FAM53B: variants seen among roughly 807,000 people sequenced by gnomAD.
The protein encoded by FAM53B is protein FAM53B.
Under a neutral mutation model 32.7 loss-of-function variants are expected in FAM53B, and 12 were observed. That is an observed-to-expected ratio of 0.37 (90% CI 0.24 to 0.59). The LOEUF is 0.59. Ranked by LOEUF, FAM53B falls within the 20% of genes least tolerant of loss-of-function variation. The pLI, the probability that FAM53B is intolerant of heterozygous loss-of-function variation, is 0.72. For synonymous variants in FAM53B, 234 were observed against 228.7 expected (o/e 1.02, Z -0.21); for missense variants, 477 against 577.7 (o/e 0.83, Z 1.79).
intron 4 of FAM53B, among the ~76,000 whole-genome samples, chr10:124,675,854 T>A (rs1014281253): frequency 6.6e-6 from 1 of 152,250 alleles, no homozygotes; most frequent in African/African-American, 2.4e-5. Context: ...ACTCTTCCTG[T>A]ACTCTAGAGG....
At position 124,621,917 on chromosome 10, in the gene FAM53B, G is replaced by A. The variant is rs1949313280; in HGVS notation, c.*1325C>T. The A allele has an allele frequency of 6.6e-6, 1 of 152,492 alleles. No homozygotes were observed. The highest frequency in any genetic ancestry group is 2.4e-5 in the African/African-American group (1 of 41,454). The allele number at this position is 152,492 out of a possible 1,614,324, so 9.4% of individuals were successfully genotyped here. A position where few individuals can be genotyped will look rare whatever the true frequency, so the allele number is the denominator to read the frequency against. On this transcript the variant is annotated 3_prime_UTR_variant, in exon 5 of 5. Coordinates refer to ENST00000337318, the MANE Select transcript of FAM53B (RefSeq NM_014661.4). ...GCAGAAGACGCCACATTCGCTAAAA[G>A]CCAGATTCCCATAGAGCAGAGCCCA...
rs777634413 is a variant in FAM53B at position 124,706,690 on chromosome 10, G to A, written c.24C>T (p.Ser8=). The A allele has an allele frequency of 6.8e-6, 11 of 1,614,042 alleles. No homozygotes were observed. Among genetic ancestry groups the A allele is most frequent in the Admixed American group, 1.7e-5 (1 of 60,012 alleles). MVMVLSE[S]LSTRGADSIA... Reference sequence around the variant, plus strand: ...TGGAGTCAGCTCCCCGGGTGCTGAGGCTTTCACTTAGGACCATCACCATGA... The same window carrying A: ...TGGAGTCAGCTCCCCGGGTGCTGAGACTTTCACTTAGGACCATCACCATGA... The change falls in exon 2 of 5, where the codon AGC becomes AGT. Residue 8 remains serine (S), a synonymous_variant. Transcript: ENST00000337318.
chr10:124,712,395 G>A (rs968138510), intron 1 of FAM53B, among the ~76,000 whole-genome samples: 3 of 152,082 alleles, frequency 2.0e-5, no homozygotes, highest in Non-Finnish European at 4.4e-5. Flanking sequence ...AACACAATGA[G>A]GATAATACCT....
At chr10:124,637,300 C>T (rs780491724) in intron 4 of FAM53B, among the ~76,000 whole-genome samples, 1 of 152,212 alleles carries the variant, frequency 6.6e-6, no homozygotes, top group Non-Finnish European at 1.5e-5. Flanking sequence ...CCAGGACGTA[C>T]CTGGCAGGAC....
At chr10:124,648,883 G>A (rs560657214) in intron 4 of FAM53B, among the ~76,000 whole-genome samples, 3 of 152,386 alleles carry the variant, frequency 2.0e-5, no homozygotes, top group African/African-American at 7.2e-5. Context: ...AATGTGCAGC[G>A]TCACTGGAGA....
At chr10:124,666,718 G>C (rs965991890) in intron 4 of FAM53B, among the ~76,000 whole-genome samples, 5 of 152,244 alleles carry the variant, frequency 3.3e-5, no homozygotes, top group African/African-American at 1.2e-4. Flanking sequence ...CAGTAGAAAA[G>C]AGGCCTCAGA....
At chr10:124,683,607 TG>T (rs1229949751) in intron 3 of FAM53B, among the ~76,000 whole-genome samples, 3 of 152,048 alleles carry the variant, frequency 2.0e-5, no homozygotes, top group Non-Finnish European at 4.4e-5. Flanking sequence ...GACCAAGGCT[TG>T]GGGGACACTA....
At chr10:124,743,969 G>T (rs1950216610) in intron 1 of FAM53B, 44 bp downstream of exon 1, 1 of 149,662 alleles carries the variant, frequency 6.7e-6, no homozygotes, top group Non-Finnish European at 1.5e-5. Context: ...CTCGGGGCCA[G>T]CCCCCCGGCC....
At chr10:124,689,241 T>C (rs1400285202) in intron 3 of FAM53B, among the ~76,000 whole-genome samples, 1 of 152,074 alleles carries the variant, frequency 6.6e-6, no homozygotes, top group Non-Finnish European at 1.5e-5. Flanking sequence ...GCGGTTTTGC[T>C]AAACTGATCT....
At position 124,623,465 on chromosome 10, in the gene FAM53B, G is replaced by T. The variant is rs767296274; in HGVS notation, c.1046C>A (p.Thr349Asn). The T allele has an allele frequency of 1.3e-6, 2 of 1,588,114 alleles. No homozygotes were observed. The highest frequency in any genetic ancestry group is 1.7e-6 in the Non-Finnish European group (2 of 1,168,430). The stretch of plus-strand genomic sequence containing the variant: ...CTCAGGGACCGGGGTCCCAGCGGGG[G>T]TCCTGCCCCCTGGGCCGGAGGCTGA... ...LLSASGPGGR[T>N]PAGTPVPEPL... is the part of the protein sequence containing the mutation. Residue 349 changes from threonine (T) to asparagine (N), a missense_variant, in exon 5 of 5, where the codon ACC becomes AAC. By Grantham distance (65) the Thr-to-Asn change is moderately conservative. This residue lies in a region of FAM53B where 165 missense variants were observed against 157.5 expected (regional missense o/e 1.05). Coordinates refer to ENST00000337318, the MANE Select transcript of FAM53B (RefSeq NM_014661.4).
chr10:124,714,150 C>T (rs1950024146), intron 1 of FAM53B: 1 of 152,038 alleles, frequency 6.6e-6, no homozygotes, highest in South Asian at 2.1e-4. Flanking sequence ...TCCGCCAAGA[C>T]AAAGGGATTT....
At chr10:124,633,658 TATG>T (rs1265608325) in intron 4 of FAM53B, among the ~76,000 whole-genome samples, 3 of 152,188 alleles carry the variant, frequency 2.0e-5, no homozygotes, top group Non-Finnish European at 4.4e-5. Context: ...CAGTTTGGTA[TATG>T]ATAAGGGTAG....
intron 1 of FAM53B, among the ~76,000 whole-genome samples, chr10:124,710,725 T>C (rs186249006): frequency 2.6e-5 from 4 of 152,316 alleles, no homozygotes; most frequent in Non-Finnish European, 2.9e-5. Context: ...CAAGAATCAC[T>C]TCTATCTACT....
chr10:124,696,865 C>T (rs1444818026), intron 2 of FAM53B, among the ~76,000 whole-genome samples: 1 of 152,154 alleles, frequency 6.6e-6, no homozygotes, highest in African/African-American at 2.4e-5. Flanking sequence ...CCTGTATTTC[C>T]ACAATGGTTT....
intron 2 of FAM53B, among the ~76,000 whole-genome samples, chr10:124,697,438 G>C (rs1412397417): frequency 6.6e-6 from 1 of 152,096 alleles, no homozygotes; most frequent in African/African-American, 2.4e-5. Context: ...GGCCCCTCCA[G>C]GTAAGAAGGC....
intron 2 of FAM53B, among the ~76,000 whole-genome samples, chr10:124,702,935 C>G (rs1367470804): frequency 6.6e-6 from 1 of 152,132 alleles, no homozygotes; most frequent in Admixed American, 6.5e-5. Context: ...CTGGCACCTC[C>G]TCCCTTCCCT....
chr10:124,656,594 C>T (rs571082946), intron 4 of FAM53B, among the ~76,000 whole-genome samples: 6 of 152,302 alleles, frequency 3.9e-5, no homozygotes, highest in East Asian at 3.9e-4. Context: ...GTGCTTGGTG[C>T]GGCCAGGCCA....
At chr10:124,627,596 T>C (rs975528563) in intron 4 of FAM53B, among the ~76,000 whole-genome samples, 1 of 152,104 alleles carries the variant, frequency 6.6e-6, no homozygotes, top group Non-Finnish European at 1.5e-5. Context: ...GTGGGAACTG[T>C]CCCTATGGCC....
At chr10:124,738,041 GC>G (rs1344961196) in intron 1 of FAM53B, among the ~76,000 whole-genome samples, 1 of 152,142 alleles carries the variant, frequency 6.6e-6, no homozygotes, top group African/African-American at 2.4e-5. Context: ...CCTCGATGAT[GC>G]CCACAGCAGA....
Sources: gnomAD v4.1 joint callset for allele counts (sites outside exome capture counted in the v4.1 genomes callset) on GRCh38, gnomAD v4.1.1 for gene constraint, gnomAD v4.1.1 regional missense constraint, MANE v1.5 for transcripts, NCBI Gene and HGNC (gene_info 2026-07-23, HGNC 2026-07-21) for gene names.